The following PTPRT variants were observed in gnomAD, a reference collection of about 807,000 sequenced individuals.
PTPRT encodes protein tyrosine phosphatase receptor type T.
In PTPRT, 56 loss-of-function variants were observed where a neutral mutation model predicts 176.8. The observed-to-expected ratio is 0.32, with a 90% CI of 0.26 to 0.40. PTPRT has a LOEUF of 0.40. Among genes scored for constraint, PTPRT ranks in the 10% least tolerant of loss-of-function variants. PTPRT has a pLI of 1.00. For synonymous variants in PTPRT, 783 were observed against 739.0 expected (o/e 1.06, Z -0.96); for missense variants, 1,540 against 1,908.2 (o/e 0.81, Z 3.60).
chr20:42,163,549 G>A (rs866545920), intron 16 of PTPRT, among the ~76,000 whole-genome samples: 4 of 152,148 alleles, frequency 2.6e-5, no homozygotes, highest in African/African-American at 9.7e-5. Flanking sequence ...GACTTACTGA[G>A]AACCCACTCT....
chr20:42,339,884 G>A (rs1444707411), intron 11 of PTPRT, among the ~76,000 whole-genome samples: 1 of 152,234 alleles, frequency 6.6e-6, no homozygotes. Context: ...TAGGTCCCAC[G>A]CTGTTTTCAG....
intron 18 of PTPRT, among the ~76,000 whole-genome samples, chr20:42,140,010 A>G (rs1027183539): frequency 1.3e-5 from 2 of 152,254 alleles, no homozygotes; most frequent in Admixed American, 1.3e-4. Flanking sequence ...GAAATTATAA[A>G]TGTTTTCTGA....
intron 9 of PTPRT, among the ~76,000 whole-genome samples, chr20:42,382,734 G>C (rs1282855786): frequency 2.6e-5 from 4 of 152,144 alleles, no homozygotes; most frequent in Non-Finnish European, 5.9e-5. Flanking sequence ...AGAGCATGCT[G>C]TCATGGCATG....
intron 6 of PTPRT, among the ~76,000 whole-genome samples, chr20:42,744,088 G>A (rs953801726): frequency 6.6e-6 from 1 of 152,216 alleles, no homozygotes; most frequent in African/African-American, 2.4e-5. Flanking sequence ...GGCTGGCTGG[G>A]ACTGTTCACC....
chr20:42,704,203 A>G (rs952505089), intron 6 of PTPRT, among the ~76,000 whole-genome samples: 1 of 152,048 alleles, frequency 6.6e-6, no homozygotes, highest in Non-Finnish European at 1.5e-5. Context: ...CAGATATTCA[A>G]TCATAGAATT....
intron 11 of PTPRT, among the ~76,000 whole-genome samples, chr20:42,341,949 C>T (rs1458850732): frequency 6.6e-6 from 1 of 152,194 alleles, no homozygotes; most frequent in Non-Finnish European, 1.5e-5. Flanking sequence ...AATCCTAACA[C>T]CAGAGCCAAT....
At chr20:42,784,754 A>T (rs996939080) in intron 3 of PTPRT, among the ~76,000 whole-genome samples, 4 of 149,446 alleles carry the variant, frequency 2.7e-5, no homozygotes, top group Non-Finnish European at 6.0e-5. Context: ...ATAAAAGATA[A>T]TTTTTCCTAG....
intron 2 of PTPRT, among the ~76,000 whole-genome samples, chr20:42,795,898 T>C (rs6130218): frequency 0.41 from 62,935 of 152,138 alleles, 15,271 homozygotes; most frequent in Non-Finnish European, 0.54. Context: ...ACTTAATAAA[T>C]GCTAATTTTA....
intron 2 of PTPRT, among the ~76,000 whole-genome samples, chr20:42,854,334 C>T (rs532024958): frequency 3.9e-4 from 60 of 152,306 alleles, no homozygotes; most frequent in African/African-American, 1.4e-3. Context: ...CCTATTCACG[C>T]ATGGTTTAAG....
At chr20:42,865,877 C>T (rs1260698982) in intron 2 of PTPRT, among the ~76,000 whole-genome samples, 2 of 152,138 alleles carry the variant, frequency 1.3e-5, no homozygotes, top group Non-Finnish European at 2.9e-5. Flanking sequence ...CCCTCCGTCT[C>T]CTTCTCAGGC....
chr20:43,025,291 T>C (rs1230097351), intron 1 of PTPRT, among the ~76,000 whole-genome samples: 1 of 152,256 alleles, frequency 6.6e-6, no homozygotes, highest in Non-Finnish European at 1.5e-5. Context: ...GGTCTCCTAA[T>C]GACTATGTGA....
chr20:42,324,853 G>T (rs892530024), intron 11 of PTPRT, among the ~76,000 whole-genome samples: 1 of 152,124 alleles, frequency 6.6e-6, no homozygotes, highest in Non-Finnish European at 1.5e-5. Flanking sequence ...AAAATAGCTC[G>T]CAGAGGAGAC....
At chr20:42,139,092 T>C (rs191459070) in intron 18 of PTPRT, among the ~76,000 whole-genome samples, 2 of 152,344 alleles carry the variant, frequency 1.3e-5, no homozygotes, top group Admixed American at 1.3e-4. Flanking sequence ...CTTTTTTACA[T>C]ATCCCATTTC....
At chr20:42,138,905 GC>G (rs1349950571) in intron 18 of PTPRT, among the ~76,000 whole-genome samples, 5 of 152,206 alleles carry the variant, frequency 3.3e-5, no homozygotes, top group Middle Eastern at 3.4e-3. Flanking sequence ...GTTCTCCCTG[GC>G]CTGGGCCTTT....
At chr20:42,352,011 T>C in intron 10 of PTPRT, 73 bp downstream of exon 10, 1 of 1,468,946 alleles carries the variant, frequency 6.8e-7, no homozygotes, top group Non-Finnish European at 9.4e-7. Context: ...TCAAGAAAAA[T>C]TTCCACTTCA....
At chr20:42,835,733 T>C (rs746369599) in intron 2 of PTPRT, among the ~76,000 whole-genome samples, 6 of 152,184 alleles carry the variant, frequency 3.9e-5, no homozygotes, top group Non-Finnish European at 7.3e-5. Context: ...ATAATTTTCA[T>C]TTTATTCTTT....
intron 11 of PTPRT, among the ~76,000 whole-genome samples, chr20:42,349,061 C>G (rs919329591): frequency 2.0e-5 from 3 of 152,154 alleles, no homozygotes; most frequent in Non-Finnish European, 2.9e-5. Flanking sequence ...TTGGTTCTGT[C>G]TATTTCAATG....
At chr20:43,090,550 G>C (rs1227877314) in intron 1 of PTPRT, among the ~76,000 whole-genome samples, 1 of 152,024 alleles carries the variant, frequency 6.6e-6, no homozygotes, top group Non-Finnish European at 1.5e-5. Context: ...TTCCAGTCGT[G>C]AGCCACCGCG....
intron 1 of PTPRT, among the ~76,000 whole-genome samples, chr20:43,066,394 G>A (rs572489997): frequency 1.4e-4 from 21 of 152,200 alleles, no homozygotes; most frequent in South Asian, 1.2e-3. Context: ...CTTTCCTTCC[G>A]TCTTTTAAAA....
Sources: allele counts gnomAD v4.1 joint callset (sites outside exome capture counted in the v4.1 genomes callset), GRCh38; gene constraint gnomAD v4.1.1; transcripts MANE v1.5; gene names NCBI Gene and HGNC (gene_info 2026-07-23, HGNC 2026-07-21).